Variants in RIMS2 observed in about 807,000 individuals in gnomAD.
RIMS2 encodes regulating synaptic membrane exocytosis 2.
Under a neutral mutation model 174.4 loss-of-function variants are expected in RIMS2, and 59 were observed. The ratio of observed to expected loss-of-function variants is 0.34; its 90% CI spans 0.27 to 0.42. The LOEUF is 0.42. Among genes scored for constraint, RIMS2 ranks in the 10% least tolerant of loss-of-function variants. The pLI, the probability that RIMS2 is intolerant of heterozygous loss-of-function variation, is 1.00. For synonymous variants in RIMS2, 606 were observed against 572.5 expected, an observed-to-expected ratio of 1.06 and a Z score of -0.84; for missense variants, 1,620 against 1,666.3, an observed-to-expected ratio of 0.97 and a Z score of 0.48.
At chr8:103,917,777 C>T (rs969481047) in intron 8 of RIMS2, among the ~76,000 whole-genome samples, 2 of 152,040 alleles carry the variant, frequency 1.3e-5, no homozygotes, top group East Asian at 1.9e-4. Context: ...TTTGGGAGGG[C>T]GAGGCGGAAG....
At chr8:103,897,138 T>G (rs2099287617) in intron 4 of RIMS2, among the ~76,000 whole-genome samples, 1 of 151,770 alleles carries the variant, frequency 6.6e-6, no homozygotes, top group Non-Finnish European at 1.5e-5. Context: ...CTTGTGAATT[T>G]TTTTCCCTTG....
chr8:103,858,106 A>T (rs182561410), intron 3 of RIMS2, among the ~76,000 whole-genome samples: 2 of 152,288 alleles, frequency 1.3e-5, no homozygotes. Flanking sequence ...TCCTGTTTAA[A>T]ATGTTTTATA....
chr8:103,695,605 C>T (rs1415158671), intron 1 of RIMS2, among the ~76,000 whole-genome samples: 3 of 151,542 alleles, frequency 2.0e-5, no homozygotes, highest in African/African-American at 7.3e-5. Context: ...TGAATTTCTT[C>T]AATATGTGTC....
At chr8:104,058,587 T>C (rs1225855489) in intron 19 of RIMS2, among the ~76,000 whole-genome samples, 4 of 151,198 alleles carry the variant, frequency 2.6e-5, no homozygotes, top group Non-Finnish European at 5.9e-5. Context: ...ATCCCATTTG[T>C]CAATTTTGGC....
intron 19 of RIMS2, among the ~76,000 whole-genome samples, chr8:104,218,723 G>A (rs1055624186): frequency 5.3e-5 from 8 of 152,038 alleles, no homozygotes; most frequent in Admixed American, 3.9e-4. Flanking sequence ...AATAAGGTTC[G>A]CACTCCTGTG....
At chr8:103,998,230 C>T (rs2095224974) in intron 17 of RIMS2, 15 of 1,609,080 alleles carry the variant, frequency 9.3e-6, no homozygotes, top group Non-Finnish European at 1.3e-5. Flanking sequence ...AGACCATTGA[C>T]CATCATCACA....
At chr8:103,716,579 T>C (rs1311294462) in intron 2 of RIMS2, among the ~76,000 whole-genome samples, 1 of 152,028 alleles carries the variant, frequency 6.6e-6, no homozygotes, top group Non-Finnish European at 1.5e-5. Flanking sequence ...CTTTTTAGAA[T>C]TTAGCATTTT....
chr8:103,730,271 T>C (rs572299580), intron 2 of RIMS2, among the ~76,000 whole-genome samples: 1 of 150,648 alleles, frequency 6.6e-6, no homozygotes, highest in Non-Finnish European at 1.5e-5. Context: ...GGTGATTATA[T>C]ATTTGCAATT....
intron 14 of RIMS2, among the ~76,000 whole-genome samples, chr8:103,953,223 C>A (rs1424039029): frequency 6.7e-6 from 1 of 149,272 alleles, no homozygotes; most frequent in Non-Finnish European, 1.5e-5. Flanking sequence ...CAAGGCAGGC[C>A]AACATTCAAA....
At chr8:103,684,327 T>C (rs2096913593) in intron 1 of RIMS2, among the ~76,000 whole-genome samples, 1 of 152,206 alleles carries the variant, frequency 6.6e-6, no homozygotes, top group Non-Finnish European at 1.5e-5. Context: ...AAGCCAGTTC[T>C]ATCCCACTGC....
chr8:103,778,527 G>A (rs1027661302), intron 3 of RIMS2, among the ~76,000 whole-genome samples: 3 of 151,954 alleles, frequency 2.0e-5, no homozygotes, highest in African/African-American at 4.8e-5. Context: ...TTCTGTGCTT[G>A]GCTTATTTCA....
chr8:103,644,844 T>C (rs536777755), intron 1 of RIMS2, among the ~76,000 whole-genome samples: 54 of 152,006 alleles, frequency 3.6e-4, no homozygotes, highest in African/African-American at 1.2e-3. Flanking sequence ...GATTTTGAAA[T>C]TGGAAACTGA....
intron 19 of RIMS2, among the ~76,000 whole-genome samples, chr8:104,019,596 A>G (rs564301457): frequency 6.6e-6 from 1 of 152,310 alleles, no homozygotes; most frequent in East Asian, 1.9e-4. Context: ...AAAGGCGACA[A>G]ATATCATCAG....
chr8:104,145,849 G>A lies in RIMS2; in HGVS notation c.3335-99067G>A, dbSNP rs185374844. Reference sequence around the variant, plus strand: ...GCACTCCAGCCTGGGCAACAAGAGCGAAACTCCATCTCAAAAAAAAAGAAA... The same window carrying A: ...GCACTCCAGCCTGGGCAACAAGAGCAAAACTCCATCTCAAAAAAAAAGAAA... On this transcript the variant is annotated intron_variant, in intron 19 of 23. Transcript: ENST00000504942. Among the ~76,000 whole-genome samples, 221 of 151,238 alleles carry A rather than the reference G, an allele frequency of 1.5e-3. 3 individuals are homozygous for A. Among genetic ancestry groups the A allele is most frequent in the African/African-American group, 4.8e-3 (197 of 41,242 alleles).
intron 19 of RIMS2, among the ~76,000 whole-genome samples, chr8:104,178,671 G>A (rs561276172): frequency 3.9e-5 from 6 of 152,188 alleles, no homozygotes; most frequent in African/African-American, 1.4e-4. Flanking sequence ...TTATATAAAT[G>A]AGGTTATTTA....
At chr8:103,740,542 C>T (rs2097751321) in intron 2 of RIMS2, among the ~76,000 whole-genome samples, 1 of 152,108 alleles carries the variant, frequency 6.6e-6, no homozygotes, top group African/African-American at 2.4e-5. Flanking sequence ...GTGGAGGAAG[C>T]TGAATATTAT....
At chr8:103,648,119 C>T (rs2135738919) in intron 1 of RIMS2, among the ~76,000 whole-genome samples, 1 of 152,026 alleles carries the variant, frequency 6.6e-6, no homozygotes, top group East Asian at 1.9e-4. Flanking sequence ...TACATTGTCT[C>T]TTTGTTCTCA....
intron 2 of RIMS2, among the ~76,000 whole-genome samples, chr8:103,736,898 T>C (rs961664092): frequency 2.0e-5 from 3 of 152,186 alleles, no homozygotes; most frequent in African/African-American, 7.2e-5. Flanking sequence ...TTGTGAATTA[T>C]TGGGCTTGTT....
intron 17 of RIMS2, among the ~76,000 whole-genome samples, chr8:103,992,902 C>G (rs990555491): frequency 2.6e-5 from 4 of 151,976 alleles, no homozygotes; most frequent in Non-Finnish European, 5.9e-5. Flanking sequence ...ACTACTACAA[C>G]TAGGAACATA....
Sources: allele counts gnomAD v4.1 joint callset (sites outside exome capture counted in the v4.1 genomes callset), GRCh38; gene constraint gnomAD v4.1.1; transcripts MANE v1.5; gene names NCBI Gene and HGNC (gene_info 2026-07-23, HGNC 2026-07-21).